Variants in CCSER2 observed in about 807,000 individuals in gnomAD.
CCSER2 encodes coiled-coil serine rich protein 2, also known as serine-rich coiled-coil domain-containing protein 2.
A neutral mutation model predicts 92.3 loss-of-function variants in CCSER2; 46 were observed. That is an observed-to-expected ratio of 0.50 (90% CI 0.39 to 0.64). The LOEUF (loss-of-function observed/expected upper bound fraction) is 0.64. CCSER2 is among the 30% of genes least tolerant of loss of function. CCSER2 has a pLI of 0.00. For synonymous variants in CCSER2, 433 were observed against 431.4 expected (o/e 1.00, Z -0.04); for missense variants, 1,244 against 1,238.9 (o/e 1.00, Z -0.06).
chr10:84,446,979 C>T (rs1042406550), intron 6 of CCSER2, among the ~76,000 whole-genome samples: 8 of 151,346 alleles, frequency 5.3e-5, no homozygotes, highest in Admixed American at 5.3e-4. Context: ...ATGAACGAAA[C>T]ATAATATCTT....
intron 3 of CCSER2, among the ~76,000 whole-genome samples, chr10:84,401,239 A>G (rs1842101149): frequency 6.6e-6 from 1 of 152,174 alleles, no homozygotes; most frequent in Non-Finnish European, 1.5e-5. Flanking sequence ...AAAGCCCAAA[A>G]GTAATTGAGA....
intron 1 of CCSER2, among the ~76,000 whole-genome samples, chr10:84,337,597 G>A (rs1843910300): frequency 6.6e-6 from 1 of 152,216 alleles, no homozygotes; most frequent in Non-Finnish European, 1.5e-5. Context: ...AAATAACAGG[G>A]TGGTAGCTGG....
At position 84,486,633 on chromosome 10, in the gene CCSER2, C is replaced by G. The variant is rs1847825483; in HGVS notation, c.2325+8969C>G. On this transcript the variant is annotated intron_variant, in intron 9 of 9. Coordinates refer to ENST00000372088, the MANE Select transcript of CCSER2 (RefSeq NM_001284240.2). ...AATTTGTTTGAGTTCTTTGCAGATT[C>G]TGGATATTAGCCCTTTGTCAGATGA... Among the ~76,000 whole-genome samples, 3 of 152,140 alleles carry G rather than the reference C, an allele frequency of 2.0e-5. No homozygotes were observed. The South Asian group carries it at 6.2e-4, about 31-fold the overall frequency.
chr10:84,473,310 T>C (rs1254216085), intron 8 of CCSER2, among the ~76,000 whole-genome samples: 2 of 152,226 alleles, frequency 1.3e-5, no homozygotes, highest in African/African-American at 4.8e-5. Context: ...GTAAACACAT[T>C]AGAATCTCAT....
chr10:84,457,626 ATAT>A (rs1845835904), intron 6 of CCSER2, among the ~76,000 whole-genome samples: 3 of 23,914 alleles, frequency 1.3e-4, no homozygotes, highest in African/African-American at 2.6e-4. Flanking sequence ...TTATATATTT[ATAT>A]ATTATATATA....
At chr10:84,390,101 CAT>C (rs1227738796) in intron 3 of CCSER2, among the ~76,000 whole-genome samples, 4 of 152,102 alleles carry the variant, frequency 2.6e-5, no homozygotes, top group East Asian at 1.9e-4. Flanking sequence ...CTTCCACACA[CAT>C]GTATCAATAT....
At chr10:84,495,249 C>T (rs1848387764) in intron 9 of CCSER2, among the ~76,000 whole-genome samples, 1 of 149,956 alleles carries the variant, frequency 6.7e-6, no homozygotes. Context: ...ATGTTAGTAT[C>T]CAAGTGTTTG....
In CCSER2 at chr10:84,371,898, G is replaced by T. The variant is rs752338113; in HGVS notation, c.846G>T (p.Gly282=). The stretch of plus-strand genomic sequence containing the variant: ...CCCGGCAGCCAGAAGTACTCAATGG[G>T]AATGAACATTTGGGGTATGGATTTA... ...RNSRQPEVLN[G]NEHLGYGFNR... The change falls in exon 2 of 10, where the codon GGG becomes GGT. Residue 282 remains glycine, a synonymous_variant. Coordinates refer to ENST00000372088, the MANE Select transcript of CCSER2 (RefSeq NM_001284240.2). 3.1e-6 allele frequency: 5 copies of T among 1,613,904 alleles called. No individual in the cohort carries two copies. In the South Asian group the frequency reaches 4.4e-5, roughly 14 times the overall value.
intron 6 of CCSER2, among the ~76,000 whole-genome samples, chr10:84,456,243 G>C (rs1422027915): frequency 6.6e-6 from 1 of 152,094 alleles, no homozygotes; most frequent in Non-Finnish European, 1.5e-5. Context: ...TTCTTTTAAA[G>C]TCAATTTCTA....
chr10:84,474,010 A>G (rs990634734), intron 8 of CCSER2, among the ~76,000 whole-genome samples: 27 of 152,276 alleles, frequency 1.8e-4, no homozygotes, highest in African/African-American at 6.5e-4. Flanking sequence ...ATTCTGATTT[A>G]AAATCAGATT....
At chr10:84,361,449 T>C (rs757805341) in intron 1 of CCSER2, among the ~76,000 whole-genome samples, 1 of 152,214 alleles carries the variant, frequency 6.6e-6, no homozygotes, top group African/African-American at 2.4e-5. Context: ...AGGAGTGATA[T>C]TAATTGCAGC....
intron 3 of CCSER2, among the ~76,000 whole-genome samples, chr10:84,406,948 G>T (rs1312877250): frequency 6.6e-6 from 1 of 152,020 alleles, no homozygotes; most frequent in Admixed American, 6.6e-5. Flanking sequence ...AATGATATCT[G>T]TGATGTCACT....
At position 84,374,961 on chromosome 10, in the gene CCSER2, T is replaced by A. The variant is rs1028684425; in HGVS notation, c.1614+1146T>A. Among the ~76,000 whole-genome samples, 4 of 152,152 alleles carry A rather than the reference T, an allele frequency of 2.6e-5. No homozygotes were observed. The South Asian group carries it at 8.3e-4, about 32-fold the overall frequency. On this transcript the variant is annotated intron_variant, in intron 3 of 9. Coordinates refer to ENST00000372088, the MANE Select transcript of CCSER2 (RefSeq NM_001284240.2). ...TTTTAACCGTTGTCAACACCTTGCA[T>A]ACAAACATTTAATTTAGAGACAGTG...
At chr10:84,350,815 C>G (rs34547962) in intron 1 of CCSER2, among the ~76,000 whole-genome samples, 1 of 152,138 alleles carries the variant, frequency 6.6e-6, no homozygotes, top group African/African-American at 2.4e-5. Flanking sequence ...TGACAGCAAC[C>G]GTTATGTGTG....
intron 9 of CCSER2, among the ~76,000 whole-genome samples, chr10:84,503,895 T>C (rs188144775): frequency 6.6e-6 from 1 of 152,366 alleles, no homozygotes; most frequent in East Asian, 1.9e-4. Context: ...GACAAATTTA[T>C]ATTGTCTTAC....
At chr10:84,457,574 TTATA>T (rs1373365574) in intron 6 of CCSER2, among the ~76,000 whole-genome samples, 1 of 12,096 alleles carries the variant, frequency 8.3e-5, no homozygotes, top group Non-Finnish European at 1.6e-4. Flanking sequence ...AAATTTATAT[TTATA>T]TATTATATAT....
intron 4 of CCSER2, among the ~76,000 whole-genome samples, chr10:84,423,716 A>G (rs1843271416): frequency 6.6e-6 from 1 of 152,190 alleles, no homozygotes; most frequent in African/African-American, 2.4e-5. Flanking sequence ...TCCCTTCGTT[A>G]TATAGAGTTA....
chr10:84,442,527 G>A (rs78642439), intron 6 of CCSER2, among the ~76,000 whole-genome samples: 15,188 of 152,174 alleles, frequency 0.1, 958 homozygotes, highest in Admixed American at 0.15. Flanking sequence ...ATGCTCTAAG[G>A]TGTTACTAGT....
intron 3 of CCSER2, among the ~76,000 whole-genome samples, chr10:84,401,836 G>A (rs551226581): frequency 5.2e-4 from 79 of 152,278 alleles, no homozygotes; most frequent in African/African-American, 1.8e-3. Context: ...ACTTTCTAGT[G>A]CCAGAGGCAG....
Sources: gnomAD v4.1 joint callset for allele counts (sites outside exome capture counted in the v4.1 genomes callset) on GRCh38, gnomAD v4.1.1 for gene constraint, MANE v1.5 for transcripts, NCBI Gene and HGNC (gene_info 2026-07-23, HGNC 2026-07-21) for gene names.